The following KALRN variants were observed in gnomAD, a reference collection of about 807,000 sequenced individuals.
The protein encoded by KALRN is kalirin RhoGEF kinase.
In KALRN, 70 loss-of-function variants were observed where a neutral mutation model predicts 353.7. The observed-to-expected ratio is 0.20, with a 90% confidence interval of 0.16 to 0.24. The LOEUF is 0.24. Among genes scored for constraint, KALRN ranks in the 10% least tolerant of loss-of-function variants. The pLI is 1.00. For synonymous variants in KALRN, 1,391 were observed against 1,434.8 expected, an observed-to-expected ratio of 0.97 and a Z score of 0.69; for missense variants, 2,791 against 3,756.7, an observed-to-expected ratio of 0.74 and a Z score of 6.72.
At chr3:124,114,555 A>T in intron 1 of KALRN, among the ~76,000 whole-genome samples, 1 of 152,144 alleles carries the variant, frequency 6.6e-6, no homozygotes, top group East Asian at 1.9e-4. Flanking sequence ...AATATTGGGG[A>T]TTTGAGAACC....
chr3:124,257,475 G>C (rs1485671495), intron 3 of KALRN, among the ~76,000 whole-genome samples: 1 of 152,222 alleles, frequency 6.6e-6, no homozygotes, highest in East Asian at 1.9e-4. Flanking sequence ...GGCTTACTAA[G>C]TGAAAACGGC....
chr3:124,381,985 C>T (rs1390426320), intron 10 of KALRN, among the ~76,000 whole-genome samples: 3 of 152,214 alleles, frequency 2.0e-5, no homozygotes, highest in African/African-American at 7.2e-5. Flanking sequence ...CATCCTCAGA[C>T]TCCTGCCTAT....
chr3:124,228,058 G>A lies in KALRN; in HGVS notation c.142G>A (p.Val48Met), dbSNP rs926123706. Residue 48 changes from valine (V) to methionine (M), a missense_variant, in exon 2 of 60, where the codon GTG becomes ATG. Coordinates refer to ENST00000682506, the MANE Select transcript of KALRN (RefSeq NM_001388419.1). Reference protein sequence around the residue: ...LPILKEKVAFVSGGRDKRGGP... With the variant: ...LPILKEKVAFMSGGRDKRGGP... Reference sequence around the variant, plus strand: ...TATCCTAAAGGAAAAGGTGGCCTTCGTGTCTGGTGAGTATTTGTGGGACTT... The same window carrying A: ...TATCCTAAAGGAAAAGGTGGCCTTCATGTCTGGTGAGTATTTGTGGGACTT... The A allele has an allele frequency of 1.2e-6, 2 of 1,613,306 alleles. No individual in the cohort carries two copies. The highest frequency in any genetic ancestry group is 1.7e-6 in the Non-Finnish European group (2 of 1,179,272).
intron 1 of KALRN, among the ~76,000 whole-genome samples, chr3:124,111,180 A>G (rs529604360): frequency 5.6e-4 from 85 of 152,228 alleles, no homozygotes; most frequent in Admixed American, 9.8e-4. Flanking sequence ...CCATCTTAGA[A>G]CCCCAATACC....
chr3:124,158,124 T>C (rs2069294763), intron 1 of KALRN, among the ~76,000 whole-genome samples: 1 of 152,162 alleles, frequency 6.6e-6, no homozygotes, highest in Non-Finnish European at 1.5e-5. Context: ...CCCGTCACAC[T>C]CAGGGTTTGT....
rs760513110 is a variant in KALRN at position 124,268,771 on chromosome 3, C to A, written c.485C>A (p.Thr162Lys). The A allele has an allele frequency of 1.9e-6, 3 of 1,614,054 alleles. No individual in the cohort carries two copies. The African/African-American group carries it at 4.0e-5, about 22-fold the overall frequency. The stretch of plus-strand genomic sequence containing the variant: ...AGCATGGTATCTGTGGAGGGCCTCA[C>A]AAAGCTGGTGGACCCCTCCCAGCTG... The part of the protein sequence containing the change: ...ETSMVSVEGL[T>K]KLVDPSQLTE... The change falls in exon 5 of 60, where the codon ACA (threonine) becomes AAA (lysine). Residue 162 changes from threonine to lysine, a missense_variant. By Grantham distance (78) the Thr-to-Lys change is moderately conservative. Transcript: ENST00000682506.
chr3:124,645,639 TCTCTCTCTC>T (rs770191085), intron 37 of KALRN, among the ~76,000 whole-genome samples: 17,124 of 140,408 alleles, frequency 0.12, 1,049 homozygotes, highest in African/African-American at 0.14. Flanking sequence ...TCTCTCTCTC[TCTCTCTCTC>T]TCTCTCTCTC....
intron 15 of KALRN, among the ~76,000 whole-genome samples, chr3:124,428,669 C>T (rs1054721769): frequency 6.6e-6 from 1 of 152,084 alleles, no homozygotes; most frequent in Non-Finnish European, 1.5e-5. Context: ...CTTTAAAGTC[C>T]TGGAATACCT....
intron 9 of KALRN, among the ~76,000 whole-genome samples, chr3:124,345,478 A>G (rs533787105): frequency 4.0e-4 from 61 of 152,320 alleles, no homozygotes; most frequent in African/African-American, 1.3e-3. Context: ...AGAGATGAAC[A>G]TGTAAAGTTC....
At chr3:124,207,042 A>C (rs1193070682) in intron 1 of KALRN, among the ~76,000 whole-genome samples, 1 of 152,214 alleles carries the variant, frequency 6.6e-6, no homozygotes, top group Non-Finnish European at 1.5e-5. Flanking sequence ...GCAGCAGTGA[A>C]ATACATGGGA....
At chr3:124,678,901 C>T (rs577377843) in intron 50 of KALRN, among the ~76,000 whole-genome samples, 1 of 152,306 alleles carries the variant, frequency 6.6e-6, no homozygotes, top group South Asian at 2.1e-4. Flanking sequence ...GAATTCTAAG[C>T]TTGGCAGACT....
chr3:124,439,151 CTCTCTTTCTCTTT>C, intron 18 of KALRN, 114 bp downstream of exon 18: 3 of 1,040,656 alleles, frequency 2.9e-6, no homozygotes, highest in Non-Finnish European at 4.2e-6. Context: ...TTCTCTTTCT[CTCTCTTTCTCTTT>C]CTCCTCCTCC....
chr3:124,295,871 A>G (rs2076805184), intron 5 of KALRN, among the ~76,000 whole-genome samples: 1 of 152,224 alleles, frequency 6.6e-6, no homozygotes, highest in African/African-American at 2.4e-5. Context: ...AATAATAATT[A>G]AAGAAGAAAA....
At chr3:124,495,195 G>A (rs79801279) in intron 32 of KALRN, among the ~76,000 whole-genome samples, 3,227 of 152,220 alleles carry the variant, frequency 0.021, 83 homozygotes, top group East Asian at 0.061. Context: ...AGCACAGCTG[G>A]CTCCAAAGCT....
chr3:124,059,532 C>G (rs948219592), intron 1 of KALRN, among the ~76,000 whole-genome samples: 2 of 152,090 alleles, frequency 1.3e-5, no homozygotes, highest in Admixed American at 6.5e-5. Flanking sequence ...ATTTTGTATT[C>G]TTTGACCAAC....
intron 2 of KALRN, among the ~76,000 whole-genome samples, chr3:124,231,088 G>A (rs1410613308): frequency 2.0e-5 from 3 of 152,174 alleles, no homozygotes; most frequent in African/African-American, 7.2e-5. Flanking sequence ...GCCCAGCCTT[G>A]GCCAGGCAAA....
chr3:124,462,480 GGCCT>G (rs1346311282), intron 24 of KALRN, 40 bp from the exon 25 acceptor site: 2 of 1,145,252 alleles, frequency 1.7e-6, no homozygotes, highest in Middle Eastern at 2.0e-4. Context: ...TATTTTATAT[GGCCT>G]GCCAGACTTG....
chr3:124,532,853 A>G (rs993751010), intron 33 of KALRN, among the ~76,000 whole-genome samples: 1 of 151,998 alleles, frequency 6.6e-6, no homozygotes, highest in African/African-American at 2.4e-5. Flanking sequence ...AGTGGAAAGT[A>G]ATATAAACTG....
At chr3:124,580,320 C>G (rs2074499247) in intron 34 of KALRN, among the ~76,000 whole-genome samples, 1 of 134,758 alleles carries the variant, frequency 7.4e-6, no homozygotes, top group Non-Finnish European at 1.5e-5. Context: ...TACTTGCGCC[C>G]AGTTGCACCC....
Sources: allele counts gnomAD v4.1 joint callset (sites outside exome capture counted in the v4.1 genomes callset), GRCh38; gene constraint gnomAD v4.1.1; transcripts MANE v1.5; gene names NCBI Gene and HGNC (gene_info 2026-07-23, HGNC 2026-07-21).